The following LITAF variants were observed in gnomAD, a reference collection of about 807,000 sequenced individuals.
LITAF encodes the protein lipopolysaccharide induced TNF factor.
A neutral mutation model predicts 14.5 loss-of-function variants in LITAF; 9 were observed. The ratio of observed to expected loss-of-function variants is 0.62; its 90% CI spans 0.37 to 1.08. The LOEUF is 1.08. Ranked by LOEUF, LITAF falls within the 50% of genes least tolerant of loss-of-function variation. LITAF has a pLI of 0.01. For missense variants in LITAF, 206 were observed against 213.4 expected (o/e 0.97, Z 0.22); for synonymous variants, 98 against 88.2 (o/e 1.11, Z -0.62).
chr16:11,580,372 C>T (rs2064713420), intron 1 of LITAF, among the ~76,000 whole-genome samples: 1 of 152,096 alleles, frequency 6.6e-6, no homozygotes, highest in Non-Finnish European at 1.5e-5. Flanking sequence ...ATTCTCCTGC[C>T]TCAGCCTCCT....
At chr16:11,640,270 G>C (rs567860049), upstream of LITAF, among the ~76,000 whole-genome samples, 1 of 152,196 alleles carries the variant, frequency 6.6e-6, no homozygotes, top group Non-Finnish European at 1.5e-5. Flanking sequence ...ATGAACAAAC[G>C]AATGAAGGGG....
chr16:11,637,240 G>A (rs1220790548), upstream of LITAF, among the ~76,000 whole-genome samples: 1 of 152,204 alleles, frequency 6.6e-6, no homozygotes, highest in Admixed American at 6.5e-5. Flanking sequence ...CCACAGAGAA[G>A]TGGAGAAGGG....
intron 1 of LITAF, among the ~76,000 whole-genome samples, chr16:11,582,243 G>A (rs2064749036): frequency 7.9e-6 from 1 of 126,568 alleles, no homozygotes; most frequent in African/African-American, 3.0e-5. Flanking sequence ...AAATAAAAGA[G>A]AAAATGGTCA....
upstream of LITAF, among the ~76,000 whole-genome samples, chr16:11,639,747 CA>C (rs1256389060): frequency 6.6e-6 from 1 of 152,114 alleles, no homozygotes; most frequent in African/African-American, 2.4e-5. Flanking sequence ...GTAATCCCAT[CA>C]ATTTGGGAGG....
chr16:11,568,303 A>G (rs2064487783), intron 1 of LITAF, among the ~76,000 whole-genome samples: 1 of 151,036 alleles, frequency 6.6e-6, no homozygotes, highest in Non-Finnish European at 1.5e-5. Context: ...AAAAAAAAAA[A>G]GAAAAGAGAG....
chr16:11,575,679 G>C (rs185026480), intron 1 of LITAF: 2 of 151,914 alleles, frequency 1.3e-5, no homozygotes, highest in South Asian at 4.2e-4. Flanking sequence ...CCAACAACTC[G>C]CGGTCAGCGT....
At chr16:11,622,947 A>AATATATAT (rs56677620) in intron 3 of LITAF, among the ~76,000 whole-genome samples, 31 of 145,374 alleles carry the variant, frequency 2.1e-4, no homozygotes, top group African/African-American at 7.3e-4. Context: ...TCATATAATG[A>AATATATAT]ATATATATAT....
chr16:11,622,826 G>A lies in LITAF; in HGVS notation c.85+10707C>T, dbSNP rs190661692. 1.0e-3 allele frequency among the ~76,000 whole-genome samples: 154 copies of A among 152,168 alleles called. 2 individuals carry two copies. The highest frequency in any genetic ancestry group is 3.6e-3 in the African/African-American group (148 of 41,520). On this transcript the variant is annotated intron_variant, in intron 3 of 3. Transcript: ENST00000574848. Reference sequence around the variant, plus strand: ...ATGTTAAGTTGGAGCTACATTCACTGAAGGGAAAGAAATTTCTGAGAACAG... The same window carrying A: ...ATGTTAAGTTGGAGCTACATTCACTAAAGGGAAAGAAATTTCTGAGAACAG...
intron 3 of LITAF, among the ~76,000 whole-genome samples, chr16:11,615,816 T>A (rs1021152620): frequency 2.0e-5 from 3 of 152,184 alleles, no homozygotes; most frequent in African/African-American, 7.2e-5. Context: ...CCTCAGTGAT[T>A]AGAGTATCTT....
At chr16:11,607,946 A>G (rs2064963006) in intron 3 of LITAF, among the ~76,000 whole-genome samples, 1 of 152,166 alleles carries the variant, frequency 6.6e-6, no homozygotes, top group African/African-American at 2.4e-5. Flanking sequence ...ATTCCCTCCC[A>G]GTTAAGAACC....
At chr16:11,590,876 G>A (rs1339760792), upstream of LITAF, among the ~76,000 whole-genome samples, 1 of 117,394 alleles carries the variant, frequency 8.5e-6, no homozygotes, top group Non-Finnish European at 1.7e-5. Context: ...GGGACTACAG[G>A]TGTGCACCAC....
intron 1 of LITAF, among the ~76,000 whole-genome samples, chr16:11,580,532 A>C (rs1211802549): frequency 6.6e-6 from 1 of 152,130 alleles, no homozygotes; most frequent in Non-Finnish European, 1.5e-5. Flanking sequence ...CTGGTATTAC[A>C]GGCGTGAGCC....
intron 3 of LITAF, among the ~76,000 whole-genome samples, chr16:11,619,326 A>G (rs1372641091): frequency 6.7e-6 from 1 of 149,346 alleles, no homozygotes; most frequent in African/African-American, 2.5e-5. Flanking sequence ...CAAAAAACAA[A>G]AAAAAAAACC....
chr16:11,607,947 G>T (rs913604000), intron 3 of LITAF, among the ~76,000 whole-genome samples: 1 of 152,138 alleles, frequency 6.6e-6, no homozygotes, highest in Non-Finnish European at 1.5e-5. Context: ...TTCCCTCCCA[G>T]TTAAGAACCC....
At chr16:11,627,689 C>A (rs1286789399) in intron 3 of LITAF, among the ~76,000 whole-genome samples, 2 of 152,064 alleles carry the variant, frequency 1.3e-5, no homozygotes, top group Admixed American at 1.3e-4. Flanking sequence ...ACTAAAAATA[C>A]AAAAATTAGC....
At chr16:11,582,480 C>T (rs1301561517) in intron 1 of LITAF, among the ~76,000 whole-genome samples, 2 of 152,132 alleles carry the variant, frequency 1.3e-5, no homozygotes, top group African/African-American at 4.8e-5. Context: ...GATAAAGCGG[C>T]TTTTTAACTA....
At position 11,605,831 on chromosome 16, in the gene LITAF, C is replaced by G. The variant is rs1042721988; in HGVS notation, c.85+27702G>C. ...AGAGCTTCCCACACTACACATGTCACTCTCACAACCGCACCAGGAGGTAGG... is the reference window on the plus strand; with the variant it reads ...AGAGCTTCCCACACTACACATGTCAGTCTCACAACCGCACCAGGAGGTAGG... On this transcript the variant is annotated intron_variant, in intron 3 of 3. Coordinates refer to the LITAF transcript ENST00000574848. The surrounding 1 kb of genome is among the most constrained non-coding windows in gnomAD (Gnocchi z 4.7). Among the ~76,000 whole-genome samples, 4 of 152,154 alleles carry G rather than the reference C, an allele frequency of 2.6e-5. No individual in the cohort carries two copies. The highest frequency in any genetic ancestry group is 2.1e-4 in the South Asian group (1 of 4,828).
At chr16:11,607,545 GA>G (rs35035989) in intron 3 of LITAF, among the ~76,000 whole-genome samples, 215 of 141,756 alleles carry the variant, frequency 1.5e-3, no homozygotes, top group Middle Eastern at 3.5e-3. Flanking sequence ...TATCATTCGG[GA>G]AAAAAAAAAA....
At chr16:11,563,267 G>A (rs2064401459) in intron 1 of LITAF, among the ~76,000 whole-genome samples, 1 of 152,076 alleles carries the variant, frequency 6.6e-6, no homozygotes, top group Non-Finnish European at 1.5e-5. Context: ...TCGTGCCTCA[G>A]CCTCCCGAGT....
Sources: allele counts gnomAD v4.1 joint callset (sites outside exome capture counted in the v4.1 genomes callset), GRCh38; gene constraint gnomAD v4.1.1; non-coding constraint Gnocchi (gnomAD v3.1); transcripts MANE v1.5; gene names NCBI Gene and HGNC (gene_info 2026-07-23, HGNC 2026-07-21).